RHOA: variants seen among roughly 807,000 people sequenced by gnomAD.
RHOA encodes ras homolog family member A, also known as transforming protein RhoA.
In RHOA, 3 loss-of-function variants were observed where a neutral mutation model predicts 17.5. The observed-to-expected ratio is 0.17, with a 90% CI of 0.08 to 0.44. The LOEUF (loss-of-function observed/expected upper bound fraction) is 0.44. Ranked by LOEUF, RHOA falls within the 20% of genes least tolerant of loss-of-function variation. RHOA has a pLI of 0.99. For missense variants in RHOA, 56 were observed against 242.3 expected (o/e 0.23, Z 5.10); for synonymous variants, 98 against 88.4 (o/e 1.11, Z -0.61).
intron 3 of RHOA, among the ~76,000 whole-genome samples, chr3:49,367,496 T>C (rs924519426): frequency 1.3e-5 from 2 of 152,036 alleles, no homozygotes; most frequent in East Asian, 1.9e-4. Flanking sequence ...AAAGAAAGTC[T>C]TTCCCCAAAA....
intron 3 of RHOA, among the ~76,000 whole-genome samples, chr3:49,364,704 T>C (rs11130190): frequency 0.76 from 115,896 of 152,082 alleles, 44,450 homozygotes; most frequent in East Asian, 0.99. Flanking sequence ...ATAGACCAGG[T>C]GCAGTGGCTC....
Position 49,359,312 on chromosome 3 carries a change from G to A in RHOA, c.*897C>T, listed in dbSNP as rs1465709533. 3 of 193,930 alleles carry A rather than the reference G, an allele frequency of 1.5e-5. No homozygotes were observed. The highest frequency in any genetic ancestry group is 3.2e-5 in the Non-Finnish European group (3 of 92,792). 12.0% of individuals were successfully genotyped at this position (193,930 alleles called of 1,614,324 possible). On this transcript the variant is annotated 3_prime_UTR_variant, in exon 5 of 5. Transcript: ENST00000418115. Reference sequence around the variant, plus strand: ...GGAGAAAAGAGCACTGTGAATTAGAGCCAGATGCTTAAGTCCAGGTGAGAC... The same window carrying A: ...GGAGAAAAGAGCACTGTGAATTAGAACCAGATGCTTAAGTCCAGGTGAGAC...
intron 1 of RHOA, among the ~76,000 whole-genome samples, chr3:49,407,484 CAGCA>C: frequency 1.8e-3 from 1 of 542 alleles, no homozygotes; most frequent in Non-Finnish European, 9.6e-3. Flanking sequence ...TCCACCTGCC[CAGCA>C]CTTCCAAAGT....
chr3:49,373,773 G>T (rs1428172610), intron 2 of RHOA, among the ~76,000 whole-genome samples: 2 of 151,556 alleles, frequency 1.3e-5, no homozygotes, highest in Non-Finnish European at 2.9e-5. Flanking sequence ...TGCAGGCCTG[G>T]GAGACAAAGT....
intron 1 of RHOA, among the ~76,000 whole-genome samples, chr3:49,403,277 G>A (rs986877936): frequency 6.6e-6 from 1 of 152,088 alleles, no homozygotes; most frequent in African/African-American, 2.4e-5. Context: ...GGCAGAGGCT[G>A]CAGTGAGCCA....
At chr3:49,391,359 TC>T (rs1490146943) in intron 1 of RHOA, among the ~76,000 whole-genome samples, 1 of 148,748 alleles carries the variant, frequency 6.7e-6, no homozygotes, top group Non-Finnish European at 1.5e-5. Flanking sequence ...ACCACTGCAC[TC>T]CAACTTGAGC....
At chr3:49,408,722 A>G (rs1664084687) in intron 1 of RHOA, among the ~76,000 whole-genome samples, 1 of 152,232 alleles carries the variant, frequency 6.6e-6, no homozygotes, top group African/African-American at 2.4e-5. Context: ...TGTAGTTACA[A>G]GCAAACAGTT....
intron 1 of RHOA, among the ~76,000 whole-genome samples, chr3:49,393,132 C>T (rs988861392): frequency 3.9e-5 from 6 of 152,004 alleles, no homozygotes; most frequent in African/African-American, 1.4e-4. Flanking sequence ...GCCAAGATCG[C>T]GCCACTCCAG....
At position 49,399,357 on chromosome 3, in the gene RHOA, G is replaced by A. The variant is rs186455491; in HGVS notation, c.-3+12463C>T. Among the ~76,000 whole-genome samples the A allele has an allele frequency of 5.5e-5, 8 of 145,910 alleles. No individual in the cohort carries two copies. The East Asian group carries it at 5.8e-4, about 11-fold the overall frequency. ...TGCACTGCAGCCTGGGCGACAGAGC[G>A]AGACTCTGTCTCAAAAAAAAAAAAA... On this transcript the variant is annotated intron_variant, in intron 1 of 4. Transcript: ENST00000418115.
intron 1 of RHOA, among the ~76,000 whole-genome samples, chr3:49,381,488 T>G (rs1189558813): frequency 2.7e-5 from 4 of 150,640 alleles, no homozygotes; most frequent in Non-Finnish European, 5.9e-5. Flanking sequence ...GGCATGAGAA[T>G]CACTTGAATT....
In RHOA at chr3:49,406,573, A is replaced by G. The variant is rs117704327; in HGVS notation, c.-3+5247T>C. 1.6e-4 allele frequency: 24 copies of G among 152,300 alleles called. No homozygotes were observed. In the East Asian group the frequency reaches 3.9e-3, roughly 24 times the overall value. 9.4% of individuals were successfully genotyped at this position (152,300 alleles called of 1,614,324 possible). A position where few individuals can be genotyped will look rare whatever the true frequency, so the allele number is the denominator to read the frequency against. Reference sequence around the variant, plus strand: ...TGCCTGAGGTCAGGAATTTGAGACCAGCCTGGCCGACATGGTAAAATTCTT... The same window carrying G: ...TGCCTGAGGTCAGGAATTTGAGACCGGCCTGGCCGACATGGTAAAATTCTT... On this transcript the variant is annotated intron_variant, in intron 1 of 4. Coordinates refer to ENST00000418115, the MANE Select transcript of RHOA (RefSeq NM_001664.4).
At chr3:49,406,383 A>G (rs1327002245) in intron 1 of RHOA, among the ~76,000 whole-genome samples, 1 of 152,226 alleles carries the variant, frequency 6.6e-6, no homozygotes, top group Non-Finnish European at 1.5e-5. Flanking sequence ...ATACATAACA[A>G]AAGTTAGAAT....
intron 1 of RHOA, among the ~76,000 whole-genome samples, chr3:49,393,719 TGTGTGTGTGTGA>T (rs2048560018): frequency 2.8e-5 from 3 of 106,184 alleles, no homozygotes; most frequent in African/African-American, 1.0e-4. Context: ...TGTGTGTGTG[TGTGTGTGTGTGA>T]CAGAATCTCG....
At chr3:49,368,714 T>C (rs990841239) in intron 2 of RHOA, among the ~76,000 whole-genome samples, 166 bp from the exon 3 acceptor site, 41 of 147,420 alleles carry the variant, frequency 2.8e-4, no homozygotes, top group African/African-American at 5.9e-4. Context: ...TTTCTTTTTT[T>C]TTTTTTTTTT....
intron 3 of RHOA, among the ~76,000 whole-genome samples, chr3:49,367,268 A>G (rs2048070464): frequency 6.9e-6 from 1 of 145,080 alleles, no homozygotes; most frequent in Non-Finnish European, 1.5e-5. Context: ...GCATCAACCC[A>G]GGAGGCAGAG....
At chr3:49,380,940 G>GTA (rs55897702) in intron 1 of RHOA, among the ~76,000 whole-genome samples, 110,697 of 150,230 alleles carry the variant, frequency 0.74, 41,175 homozygotes, top group East Asian at 0.98. Flanking sequence ...ACGTGTGTGT[G>GTA]TATATATATA....
At chr3:49,400,797 G>C (rs1219994010) in intron 1 of RHOA, among the ~76,000 whole-genome samples, 3 of 151,922 alleles carry the variant, frequency 2.0e-5, no homozygotes, top group Admixed American at 6.6e-5. Flanking sequence ...TGTAATTCCA[G>C]CACTTTGGGA....
intron 1 of RHOA, among the ~76,000 whole-genome samples, chr3:49,379,371 G>C (rs907418126): frequency 6.6e-6 from 1 of 152,120 alleles, no homozygotes; most frequent in African/African-American, 2.4e-5. Context: ...CTAGGGCAGG[G>C]ACTTGGGGGT....
At chr3:49,407,239 T>G (rs1015359203) in intron 1 of RHOA, among the ~76,000 whole-genome samples, 6 of 137,484 alleles carry the variant, frequency 4.4e-5, no homozygotes, top group African/African-American at 1.3e-4. Flanking sequence ...TCCGTTTTTT[T>G]TTTTTTTTTT....
Sources: gnomAD v4.1 joint callset for allele counts (sites outside exome capture counted in the v4.1 genomes callset) on GRCh38, gnomAD v4.1.1 for gene constraint, MANE v1.5 for transcripts, NCBI Gene and HGNC (gene_info 2026-07-23, HGNC 2026-07-21) for gene names.